NSD2: variants seen among roughly 807,000 people sequenced by gnomAD.
NSD2 encodes the protein histone-lysine N-methyltransferase NSD2.
Under a neutral mutation model 139.0 loss-of-function variants are expected in NSD2, and 12 were observed. That is an observed-to-expected ratio of 0.09 (90% CI 0.06 to 0.14). The LOEUF is 0.14. Among genes scored for constraint, NSD2 ranks in the 10% least tolerant of loss-of-function variants. The pLI, the probability that NSD2 is intolerant of heterozygous loss-of-function variation, is 1.00. For missense variants in NSD2, 1,155 were observed against 1,745.0 expected, an observed-to-expected ratio of 0.66 and a Z score of 6.02; for synonymous variants, 669 against 648.7, an observed-to-expected ratio of 1.03 and a Z score of -0.48.
intron 5 of NSD2, 171 bp downstream of exon 5, chr4:1,918,794 A>G (rs1577436858): frequency 2.2e-6 from 2 of 922,690 alleles, no homozygotes; most frequent in Non-Finnish European, 3.1e-6. Context: ...CCCTTGAGGG[A>G]AAAGATACTC....
intron 1 of NSD2, among the ~76,000 whole-genome samples, chr4:1,881,220 G>T (rs1391323839): frequency 6.6e-6 from 1 of 152,098 alleles, no homozygotes; most frequent in East Asian, 1.9e-4. Flanking sequence ...TGGGACACAG[G>T]CGTGTGCCAC....
rs1393775996 is a variant in NSD2 at position 1,948,392 on chromosome 4, C to T, written c.1882-2680C>T. 2.1e-5 allele frequency: 22 copies of T among 1,066,012 alleles called. No homozygotes were observed. Among genetic ancestry groups the T allele is most frequent in the Non-Finnish European group, 2.2e-5 (19 of 878,878 alleles). The allele number at this position is 1,066,012 out of a possible 1,614,324, so 66.0% of individuals were successfully genotyped here. On this transcript the variant is annotated intron_variant, in intron 9 of 21. Transcript: ENST00000508803. This position sits in a 1 kb window ranked among gnomAD's most constrained non-coding sequence, Gnocchi z 4.5. ...GTGCCACCTCCACAAATGGCTTCTC[C>T]GAGTGAGTCACGTCACCTGGTGCGT...
At chr4:1,923,634 C>A (rs1225813655) in intron 5 of NSD2, among the ~76,000 whole-genome samples, 4 of 152,230 alleles carry the variant, frequency 2.6e-5, no homozygotes, top group Non-Finnish European at 4.4e-5. Context: ...TCATTTATTA[C>A]ACCTGTTTTG....
Position 1,908,076 on chromosome 4 carries a change from C to T in NSD2, c.760+3698C>T, listed in dbSNP as rs987366756. Among the ~76,000 whole-genome samples, 7 of 152,262 alleles carry T rather than the reference C, an allele frequency of 4.6e-5. No homozygotes were observed. In the South Asian group the frequency reaches 1.4e-3, roughly 32 times the overall value. On this transcript the variant is annotated intron_variant, in intron 3 of 21. Transcript: ENST00000508803. Reference sequence around the variant, plus strand: ...TAAGAGCAGGTGTAGGGCGTGTCCCCAGCAGGCCCCTACCTGTCTTTTTCT... The same window carrying T: ...TAAGAGCAGGTGTAGGGCGTGTCCCTAGCAGGCCCCTACCTGTCTTTTTCT...
intron 8 of NSD2, chr4:1,939,362 A>C: frequency 2.5e-6 from 1 of 404,192 alleles, no homozygotes; most frequent in Non-Finnish European, 4.6e-6. Flanking sequence ...TATGTCTGGG[A>C]TTTGCTTCAG....
chr4:1,899,120 T>C (rs1462172744), intron 1 of NSD2: 1 of 152,250 alleles, frequency 6.6e-6, no homozygotes, highest in Non-Finnish European at 1.5e-5. Context: ...TGTATGTGTT[T>C]TGGTGTTAAA....
intron 9 of NSD2, chr4:1,945,816 G>A (rs567225178): frequency 1.9e-5 from 20 of 1,063,802 alleles, no homozygotes; most frequent in South Asian, 1.8e-4. Flanking sequence ...GATTCCCCTC[G>A]CTGGAGAGGC....
At chr4:1,896,256 T>C (rs1171049773) in intron 1 of NSD2, among the ~76,000 whole-genome samples, 1 of 152,224 alleles carries the variant, frequency 6.6e-6, no homozygotes, top group Non-Finnish European at 1.5e-5. Context: ...CCTTCTGTAT[T>C]CCGGCTGCCA....
rs542601216 is a variant in NSD2, at chr4:1,925,000, T to G, written c.1411-5626T>G. ...CCCTGCCCACCCCTGGTTCCTGATG[T>G]AAGGCCCATGGGGCCTCCCTTCCCT... On this transcript the variant is annotated intron_variant, in intron 5 of 21. Transcript: ENST00000508803. 5.3e-5 allele frequency among the ~76,000 whole-genome samples: 8 copies of G among 152,346 alleles called. No individual in the cohort carries two copies. In the South Asian group the frequency reaches 1.7e-3, roughly 32 times the overall value.
chr4:1,930,265 C>T (rs932511151), intron 5 of NSD2, among the ~76,000 whole-genome samples: 6 of 152,138 alleles, frequency 3.9e-5, no homozygotes, highest in African/African-American at 1.2e-4. Flanking sequence ...TCAGGGGCAG[C>T]GTTCCTGTGG....
In NSD2 at chr4:1,941,551, A is replaced by C. The variant is rs1270632053; in HGVS notation, c.1881+1773A>C. ...AAGCATTTTATCATCATTAGACTTA[A>C]ATTTTAATTCTTCAGAATGTCAGAA... On this transcript the variant is annotated intron_variant, in intron 9 of 21. Coordinates refer to ENST00000508803, the MANE Select transcript of NSD2 (RefSeq NM_001042424.3). 5 of 1,041,064 alleles carry C rather than the reference A, an allele frequency of 4.8e-6. No homozygotes were observed. In the African/African-American group the frequency reaches 8.4e-5, roughly 17 times the overall value. The allele number at this position is 1,041,064 out of a possible 1,614,324, so 64.5% of individuals were successfully genotyped here.
rs1436285466 is a variant in NSD2, at chr4:1,901,228, A to G, written c.574A>G (p.Ile192Val). ...GLVEAALVSK[I>V]SSPSDKKIPA... is the part of the protein sequence containing the mutation. ...TGTCGAAGCAGCTCTTGTGTCTAAG[A>G]TCTCAAGTCCTTCAGATAAAAAGGT... is the stretch of plus-strand genomic sequence containing the variant. The change falls in exon 2 of 22, where the codon ATC (isoleucine) becomes GTC (valine). Residue 192 changes from isoleucine (I) to valine (V), a missense_variant. Ile to Val is a conservative substitution (Grantham distance 29). This residue lies in a region of NSD2 where 246 missense variants were observed against 262.8 expected (regional missense o/e 0.94). Coordinates refer to ENST00000508803, the MANE Select transcript of NSD2 (RefSeq NM_001042424.3). 2.5e-6 allele frequency: 4 copies of G among 1,582,234 alleles called. No homozygotes were observed. Among genetic ancestry groups the G allele is most frequent in the Non-Finnish European group, 3.4e-6 (4 of 1,168,192 alleles).
In NSD2 at chr4:1,974,032, C is replaced by T. The variant is rs963521981; in HGVS notation, c.3373-831C>T. Among the ~76,000 whole-genome samples the T allele has an allele frequency of 6.6e-6, 1 of 152,146 alleles. No homozygotes were observed. Among genetic ancestry groups the T allele is most frequent in the African/African-American group, 2.4e-5 (1 of 41,420 alleles). ...GATTCCCGTGGCCCTTATCAGGTTG[C>T]TGCCTCGAAAGCCTTCCTGCCGGCC... On this transcript the variant is annotated intron_variant, in intron 18 of 21. Transcript: ENST00000508803. The surrounding 1 kb of genome is among the most constrained non-coding windows in gnomAD (Gnocchi z 4.0).
intron 8 of NSD2, 96 bp from the exon 9 acceptor site, chr4:1,939,558 T>G (rs1722860730): frequency 1.6e-6 from 2 of 1,236,640 alleles, no homozygotes; most frequent in East Asian, 4.9e-5. Flanking sequence ...AGAAGATTCA[T>G]CTTTAGAACT....
chr4:1,967,161 A>G (rs1725973614), intron 18 of NSD2, among the ~76,000 whole-genome samples: 1 of 152,254 alleles, frequency 6.6e-6, no homozygotes, highest in Non-Finnish European at 1.5e-5. Flanking sequence ...GTACTCCAGT[A>G]AATTGGATAA....
intron 7 of NSD2, among the ~76,000 whole-genome samples, chr4:1,937,091 A>G (rs2108884443): frequency 6.6e-6 from 1 of 151,616 alleles, no homozygotes; most frequent in South Asian, 2.1e-4. Flanking sequence ...TCACTTCGTC[A>G]CCCAGGCTGG....
At chr4:1,969,426 G>T (rs563499775) in intron 18 of NSD2, among the ~76,000 whole-genome samples, 5 of 152,288 alleles carry the variant, frequency 3.3e-5, no homozygotes, top group African/African-American at 1.2e-4. Flanking sequence ...CCAGCCAGGT[G>T]CAATGGCGTG....
intron 1 of NSD2, among the ~76,000 whole-genome samples, chr4:1,871,941 C>T (rs1384304765): frequency 1.4e-5 from 2 of 148,022 alleles, no homozygotes; most frequent in East Asian, 2.0e-4. Flanking sequence ...CCGGCCCGGC[C>T]GAGGCGGCCG....
At chr4:1,873,028 T>C (rs1255964532) in intron 1 of NSD2, among the ~76,000 whole-genome samples, 2 of 152,198 alleles carry the variant, frequency 1.3e-5, no homozygotes, top group African/African-American at 4.8e-5. Context: ...CCACAACTGA[T>C]GGTGGTTCAA....
Sources: allele counts gnomAD v4.1 joint callset (sites outside exome capture counted in the v4.1 genomes callset), GRCh38; gene constraint gnomAD v4.1.1; regional missense constraint gnomAD v4.1.1; non-coding constraint Gnocchi (gnomAD v3.1); transcripts MANE v1.5; gene names NCBI Gene and HGNC (gene_info 2026-07-23, HGNC 2026-07-21).